Variants in ITGA2B observed in about 807,000 individuals in gnomAD.
ITGA2B encodes integrin subunit alpha 2b.
Under a neutral mutation model 142.0 loss-of-function variants are expected in ITGA2B, and 91 were observed. The ratio of observed to expected loss-of-function variants is 0.64; its 90% CI spans 0.54 to 0.76. ITGA2B has a LOEUF of 0.76. ITGA2B is among the 30% of genes least tolerant of loss of function. ITGA2B has a pLI of 0.00. For missense variants in ITGA2B, 1,231 were observed against 1,350.8 expected (o/e 0.91, Z 1.39); for synonymous variants, 536 against 567.2 (o/e 0.94, Z 0.78).
chr17:44,377,164 G>A, intron 21 of ITGA2B, 76 bp from the exon 22 acceptor site: 2 of 1,019,294 alleles, frequency 2.0e-6, no homozygotes, highest in Non-Finnish European at 3.0e-6. Context: ...GTGGCCTCCA[G>A]TCTTCACCCT....
At position 44,383,507 on chromosome 17, in the gene ITGA2B, C is replaced by G; in HGVS notation, c.1196G>C (p.Arg399Pro). ...SAIAPLGDLD[R>P]DGYNDIAVAA... ...TCTTCCCTCACCATTGTAGCCATCC[C>G]GGTCGAGGTCGCCCAGGGGTGCGAT... Residue 399 changes from arginine to proline, a missense_variant, in exon 12 of 30, where the codon CGG (arginine) becomes CCG (proline). Physicochemically the swap from Arg to Pro is moderately radical, Grantham distance 103. Coordinates refer to ENST00000262407, the MANE Select transcript of ITGA2B (RefSeq NM_000419.5). 1 of 1,609,334 alleles carries G rather than the reference C, an allele frequency of 6.2e-7. No individual in the cohort carries two copies. The highest frequency in any genetic ancestry group is 8.5e-7 in the Non-Finnish European group (1 of 1,179,712).
Position 44,383,481 on chromosome 17 carries a change from C to G in ITGA2B, c.1210+12G>C, listed in dbSNP as rs778226667. The stretch of plus-strand genomic sequence containing the variant: ...CCCCTCTGCAGCAAGTAGGGCTCCT[C>G]TCTTCCCTCACCATTGTAGCCATCC... On this transcript the variant is annotated intron_variant, in intron 12 of 29. Transcript: ENST00000262407. 1.7e-5 allele frequency: 28 copies of G among 1,602,368 alleles called. No homozygotes were observed. Among genetic ancestry groups the G allele is most frequent in the Non-Finnish European group, 2.1e-5 (25 of 1,177,686 alleles).
chr17:44,384,450 G>C (rs1382087891), intron 8 of ITGA2B, 88 bp downstream of exon 8: 7 of 1,608,190 alleles, frequency 4.4e-6, no homozygotes, highest in Middle Eastern at 1.6e-4. Context: ...TGTGTGTGCA[G>C]GAAGATTTCC....
At chr17:44,387,826 C>CAAA (rs980395817) in intron 1 of ITGA2B, among the ~76,000 whole-genome samples, 780 of 23,028 alleles carry the variant, frequency 0.034, 2 homozygotes, top group Middle Eastern at 0.045. Flanking sequence ...AACCCCATCT[C>CAAA]AAAAAAAAAA....
At chr17:44,376,860 G>T in intron 22 of ITGA2B, 149 bp downstream of exon 22, 3 of 682,636 alleles carry the variant, frequency 4.4e-6, no homozygotes, top group Non-Finnish European at 7.9e-6. Flanking sequence ...TGATCCTTCT[G>T]CCTTGGCCTC....
At chr17:44,378,778 T>C in intron 18 of ITGA2B, 68 bp from the exon 19 acceptor site, 2 of 1,443,348 alleles carry the variant, frequency 1.4e-6, no homozygotes, top group Admixed American at 3.9e-5. Flanking sequence ...ACATCAGGGT[T>C]AGGAAAACAG....
Position 44,374,429 on chromosome 17 carries a change from A to G in ITGA2B, c.2985T>C (p.Ile995=), listed in dbSNP as rs2048521323. ...CACCCACCAGCACCCACCAGATTGG[A>G]ATGGCCCTCTCCTCCAAGGCCCGGA... ...QLLRALEERA[I]PIWWVLVGVL... Residue 995 remains isoleucine (I), a synonymous_variant, in exon 29 of 30, where the codon ATT becomes ATC. Transcript: ENST00000262407. 4 of 1,613,962 alleles carry G rather than the reference A, an allele frequency of 2.5e-6. No homozygotes were observed. The highest frequency in any genetic ancestry group is 3.4e-6 in the Non-Finnish European group (4 of 1,179,996).
rs758570877 is a variant in ITGA2B, at chr17:44,377,070, C to A, written c.2206G>T (p.Val736Leu). ...GCCTCTTCCAGATTCCCCACGCTCA[C>A]CAACATCGCGATTCCTATCTGGGAG... ...KNAQIGIAML[V>L]SVGNLEEAGE... is the part of the protein sequence containing the mutation. Residue 736 changes from valine to leucine, a missense_variant, in exon 22 of 30, where the codon GTG becomes TTG. Around this residue, in one of 3 missense-constraint regions of ITGA2B, gnomAD observed 908 missense variants for 1,021.1 expected, o/e 0.89. Coordinates refer to ENST00000262407, the MANE Select transcript of ITGA2B (RefSeq NM_000419.5). 74 of 1,583,754 alleles carry A rather than the reference C, an allele frequency of 4.7e-5. No individual in the cohort carries two copies. Among genetic ancestry groups the A allele is most frequent in the Admixed American group, 1.1e-4 (6 of 55,442 alleles).
At chr17:44,388,387 G>A (rs1451283917) in intron 1 of ITGA2B, among the ~76,000 whole-genome samples, 2 of 123,440 alleles carry the variant, frequency 1.6e-5, no homozygotes, top group Non-Finnish European at 3.2e-5. Flanking sequence ...ACAGAGTTTC[G>A]CTCTCGTTGC....
At position 44,385,861 on chromosome 17, in the gene ITGA2B, A is replaced by C; in HGVS notation, c.371T>G (p.Leu124Arg). ...GCTCCAGCTGACGACCGACGCCCCC[A>C]GTCCTTGGCGGGCCTTGAAGGTTTG... ...TLQTFKARQGLGASVVSWSDV... is the reference protein window; with the variant it reads ...TLQTFKARQGRGASVVSWSDV... Residue 124 changes from leucine to arginine, a missense_variant, in exon 3 of 30, where the codon CTG becomes CGG. By Grantham distance (102) the Leu-to-Arg change is moderately radical. Around this residue, in one of 3 missense-constraint regions of ITGA2B, gnomAD observed 318 missense variants for 312.2 expected, o/e 1.02. Coordinates refer to ENST00000262407, the MANE Select transcript of ITGA2B (RefSeq NM_000419.5). 4 of 1,606,288 alleles carry C rather than the reference A, an allele frequency of 2.5e-6. No homozygotes were observed. The highest frequency in any genetic ancestry group is 3.4e-6 in the Non-Finnish European group (4 of 1,175,920).
intron 12 of ITGA2B, among the ~76,000 whole-genome samples, chr17:44,381,278 C>T (rs1487417101): frequency 2.0e-5 from 3 of 152,152 alleles, no homozygotes; most frequent in African/African-American, 7.2e-5. Flanking sequence ...ACAACTCTCA[C>T]TGTCTATTGA....
At chr17:44,388,818 C>CT (rs758076614) in intron 1 of ITGA2B, among the ~76,000 whole-genome samples, 7,493 of 131,972 alleles carry the variant, frequency 0.057, 524 homozygotes, top group African/African-American at 0.12. Flanking sequence ...TGCCTGGTCT[C>CT]TTTTTTTTTT....
intron 16 of ITGA2B, 44 bp downstream of exon 16, chr17:44,380,202 G>C: frequency 5.6e-6 from 9 of 1,614,046 alleles, no homozygotes; most frequent in Non-Finnish European, 7.6e-6. Flanking sequence ...AGCCTCCGGG[G>C]GAGTCCAAGC....
intron 4 of ITGA2B, 78 bp from the exon 5 acceptor site, chr17:44,385,413 G>A (rs2048637269): frequency 1.3e-6 from 2 of 1,552,360 alleles, no homozygotes; most frequent in Middle Eastern, 4.6e-4. Flanking sequence ...CTGGGGGACA[G>A]GGGCGGGGCC....
intron 26 of ITGA2B, 95 bp downstream of exon 26, chr17:44,375,496 G>A (rs1166795055): frequency 2.0e-6 from 3 of 1,484,776 alleles, no homozygotes; most frequent in Non-Finnish European, 2.8e-6. Flanking sequence ...GGCCCACAGA[G>A]GCCCACAGCA....
chr17:44,386,969 T>A (rs850728), intron 1 of ITGA2B, among the ~76,000 whole-genome samples: 75,346 of 151,496 alleles, frequency 0.5, 20,325 homozygotes, highest in African/African-American at 0.72. Context: ...TTAAAAAAAA[T>A]TTTTTTATAG....
At chr17:44,386,980 G>A (rs944874135) in intron 1 of ITGA2B, among the ~76,000 whole-genome samples, 1 of 152,164 alleles carries the variant, frequency 6.6e-6, no homozygotes, top group Admixed American at 6.5e-5. Context: ...TTTTTTATAG[G>A]CTGGGCATGG....
rs777802643 is a variant in ITGA2B at position 44,375,945 on chromosome 17, A to C, written c.2489T>G (p.Leu830Arg). The C allele has an allele frequency of 6.2e-7, 1 of 1,614,070 alleles. No homozygotes were observed. Among genetic ancestry groups the C allele is most frequent in the South Asian group, 1.1e-5 (1 of 91,048 alleles). The change falls in exon 25 of 30, where the codon CTC becomes CGC. Residue 830 changes from leucine (L) to arginine (R), a missense_variant. Physicochemically the swap from Leu to Arg is moderately radical, Grantham distance 102. Coordinates refer to ENST00000262407, the MANE Select transcript of ITGA2B (RefSeq NM_000419.5). Reference sequence around the variant, plus strand: ...GGACTGTCCCGGAAGGTGGATGCTGAGGTGAAGACCATTCACAGTCCCAGG... The same window carrying C: ...GGACTGTCCCGGAAGGTGGATGCTGCGGTGAAGACCATTCACAGTCCCAGG... ...NGPGTVNGLH[L>R]SIHLPGQSQP...
Position 44,375,067 on chromosome 17 carries a change from C to T in ITGA2B, c.2772G>A (p.Gln924=), listed in dbSNP as rs1219319981. ...TGGCCCGCTGCCCGCGCGCCATCTC[C>T]TGCAGGTCACACTGCACCACAGTAC... is the stretch of plus-strand genomic sequence containing the variant. ...APCTVVQCDL[Q]EMARGQRAMV... Residue 924 remains glutamine (Q), a synonymous_variant, in exon 27 of 30, where the codon CAG becomes CAA. Transcript: ENST00000262407. 18 of 1,548,642 alleles carry T rather than the reference C, an allele frequency of 1.2e-5. No homozygotes were observed. The highest frequency in any genetic ancestry group is 2.0e-5 in the Admixed American group (1 of 51,022).
Sources: gnomAD v4.1 joint callset for allele counts (sites outside exome capture counted in the v4.1 genomes callset) on GRCh38, gnomAD v4.1.1 for gene constraint, gnomAD v4.1.1 regional missense constraint, MANE v1.5 for transcripts, NCBI Gene and HGNC (gene_info 2026-07-23, HGNC 2026-07-21) for gene names.